Variants in STK3 observed in about 807,000 individuals in gnomAD.
STK3 encodes serine/threonine kinase 3, also known as serine/threonine-protein kinase 3.
In STK3, 41 loss-of-function variants were observed where a neutral mutation model predicts 58.0. The observed-to-expected ratio is 0.71, with a 90% CI of 0.55 to 0.92. STK3 has a LOEUF of 0.92. Ranked by LOEUF, STK3 falls within the 40% of genes least tolerant of loss-of-function variation. STK3 has a pLI of 0.00. For missense variants in STK3, 479 were observed against 602.7 expected (o/e 0.79, Z 2.15); for synonymous variants, 170 against 191.0 (o/e 0.89, Z 0.91).
intron 1 of STK3, among the ~76,000 whole-genome samples, chr8:98,382,894 G>A (rs1817752144): frequency 6.6e-6 from 1 of 152,208 alleles, no homozygotes; most frequent in African/African-American, 2.4e-5. Context: ...GTCCTGCATG[G>A]CAGCGTTTCA....
intron 3 of STK3, among the ~76,000 whole-genome samples, chr8:98,763,213 T>A (rs1830738835): frequency 6.6e-6 from 1 of 152,208 alleles, no homozygotes; most frequent in Admixed American, 6.5e-5. Flanking sequence ...AATCTAGCAC[T>A]AATATTCTAT....
rs932867492 is a variant in STK3 at position 98,800,170 on chromosome 8, C to T, written c.26+25345G>A. The stretch of plus-strand genomic sequence containing the variant: ...TTTTAACCTCCTTGTTTTGTTTCCT[C>T]TAGAATTGAGGCCACCAAGCTACAG... On this transcript the variant is annotated intron_variant, in intron 1 of 10. Coordinates refer to ENST00000419617, the MANE Select transcript of STK3 (RefSeq NM_006281.4). This position sits in a 1 kb window ranked among gnomAD's most constrained non-coding sequence, Gnocchi z 4.8. 6.6e-6 allele frequency among the ~76,000 whole-genome samples: 1 copy of T among 152,152 alleles called. No homozygotes were observed.
downstream of STK3, among the ~76,000 whole-genome samples, chr8:98,368,605 G>T (rs558149764): frequency 1.3e-5 from 2 of 152,304 alleles, no homozygotes; most frequent in East Asian, 1.9e-4. Flanking sequence ...CAAATCTAGG[G>T]AATGGCAGCT....
intron 1 of STK3, among the ~76,000 whole-genome samples, chr8:98,814,835 C>G (rs1210787850): frequency 1.3e-5 from 2 of 152,142 alleles, no homozygotes; most frequent in South Asian, 4.1e-4. Flanking sequence ...TGTGCACCAC[C>G]ATGCCCAGCT....
At chr8:98,863,898 A>T (rs1251204634) in intron 3 of STK3, among the ~76,000 whole-genome samples, 3 of 152,042 alleles carry the variant, frequency 2.0e-5, no homozygotes, top group Non-Finnish European at 4.4e-5. Context: ...AAAGCTCCTT[A>T]AAAAAAGTCT....
At chr8:98,849,299 T>A (rs1836345610) in intron 3 of STK3, among the ~76,000 whole-genome samples, 1 of 152,004 alleles carries the variant, frequency 6.6e-6, no homozygotes, top group Admixed American at 6.6e-5. Flanking sequence ...GTATATTTTC[T>A]ACAAGTCACT....
At chr8:98,574,176 G>C (rs948016685) in intron 8 of STK3, among the ~76,000 whole-genome samples, 1 of 152,130 alleles carries the variant, frequency 6.6e-6, no homozygotes, top group Non-Finnish European at 1.5e-5. Flanking sequence ...TGTACCTAAT[G>C]AACTGGGTGG....
chr8:98,676,048 C>T (rs1271803848), intron 6 of STK3, among the ~76,000 whole-genome samples: 1 of 152,142 alleles, frequency 6.6e-6, no homozygotes, highest in African/African-American at 2.4e-5. Flanking sequence ...GAAATTCTGA[C>T]AGTTACTACA....
intron 6 of STK3, among the ~76,000 whole-genome samples, chr8:98,609,168 T>C (rs902993235): frequency 6.6e-6 from 1 of 151,306 alleles, no homozygotes; most frequent in Admixed American, 6.6e-5. Flanking sequence ...AAGAGGGCTC[T>C]GCCAATAACA....
intron 3 of STK3, among the ~76,000 whole-genome samples, chr8:98,402,028 C>G (rs1426541746): frequency 6.6e-6 from 1 of 152,166 alleles, no homozygotes. Context: ...GGTAAACATC[C>G]TATCTATATA....
chr8:98,725,573 C>T (rs1433712030), intron 4 of STK3, among the ~76,000 whole-genome samples: 7 of 152,092 alleles, frequency 4.6e-5, no homozygotes, highest in African/African-American at 1.7e-4. Context: ...CTTTCCATTT[C>T]CTGGAATATT....
intron 2 of STK3, among the ~76,000 whole-genome samples, chr8:98,774,363 T>C (rs1171308751): frequency 6.6e-6 from 1 of 152,150 alleles, no homozygotes; most frequent in Non-Finnish European, 1.5e-5. Context: ...AAAGACTACT[T>C]ACCTTTTCCA....
rs767330942 is a variant in STK3, at chr8:98,455,989, T to TA, written c.1328dup (p.Ser444LysfsTer76). Reference sequence around the variant, plus strand: ...ACCGCATCTGTAGTTCTTCTAAACTTAGATTTTTCAACTAGATACAGAAAG... The same window carrying TA: ...ACCGCATCTGTAGTTCTTCTAAACTTAAGATTTTTCAACTAGATACAGAAAG... On this transcript the variant is annotated frameshift_variant, in exon 11 of 11. Coordinates refer to ENST00000419617, the MANE Select transcript of STK3 (RefSeq NM_006281.4). LOFTEE classifies it high-confidence loss of function. 2 of 1,607,718 alleles carry TA rather than the reference T, an allele frequency of 1.2e-6. No individual in the cohort carries two copies. The highest frequency in any genetic ancestry group is 1.7e-6 in the Non-Finnish European group (2 of 1,176,896).
intron 8 of STK3, among the ~76,000 whole-genome samples, chr8:98,577,411 C>T (rs371500253): frequency 1.3e-5 from 2 of 152,258 alleles, no homozygotes; most frequent in East Asian, 3.9e-4. Flanking sequence ...TGCTTGAACC[C>T]AGGAGATGGA....
chr8:98,396,964 C>T (rs1372598749), downstream of STK3, among the ~76,000 whole-genome samples: 2 of 152,170 alleles, frequency 1.3e-5, no homozygotes, highest in African/African-American at 2.4e-5. Context: ...TCCTTGAAGC[C>T]ACCTCACTAT....
chr8:98,825,451 G>C, intron 1 of STK3, 64 bp downstream of exon 1: 1 of 1,407,472 alleles, frequency 7.1e-7, no homozygotes. Flanking sequence ...GCCTGGCCTA[G>C]CCACCCCCGC....
At chr8:98,618,199 C>T (rs1437475686) in intron 6 of STK3, among the ~76,000 whole-genome samples, 2 of 151,448 alleles carry the variant, frequency 1.3e-5, no homozygotes, top group Non-Finnish European at 2.9e-5. Context: ...ATAAACAGAG[C>T]CAAAGACAAA....
intron 1 of STK3, among the ~76,000 whole-genome samples, chr8:98,380,459 C>T (rs1025038509): frequency 1.3e-5 from 2 of 152,078 alleles, no homozygotes; most frequent in African/African-American, 2.4e-5. Flanking sequence ...TGATGTTCAG[C>T]GTCCTGTTAA....
chr8:98,827,484 T>C (rs2131772593), upstream of STK3, among the ~76,000 whole-genome samples: 1 of 152,352 alleles, frequency 6.6e-6, no homozygotes, highest in Middle Eastern at 3.4e-3. Context: ...CAAATTAAAC[T>C]TGACTATTAG....
Sources: gnomAD v4.1 joint callset for allele counts (sites outside exome capture counted in the v4.1 genomes callset) on GRCh38, gnomAD v4.1.1 for gene constraint, Gnocchi (gnomAD v3.1) non-coding constraint, MANE v1.5 for transcripts, NCBI Gene and HGNC (gene_info 2026-07-23, HGNC 2026-07-21) for gene names.